Variants in PKNOX2 observed in about 807,000 individuals in gnomAD.
PKNOX2 encodes PBX/knotted 1 homeobox 2.
Under a neutral mutation model 53.1 loss-of-function variants are expected in PKNOX2, and 14 were observed. That is an observed-to-expected ratio of 0.26 (90% confidence interval 0.17 to 0.41). The LOEUF is 0.41. Ranked by LOEUF, PKNOX2 falls within the 10% of genes least tolerant of loss-of-function variation. The pLI, the probability that PKNOX2 is intolerant of heterozygous loss-of-function variation, is 1.00. For synonymous variants in PKNOX2, 257 were observed against 242.8 expected (o/e 1.06, Z -0.54); for missense variants, 496 against 602.8 (o/e 0.82, Z 1.85).
intron 2 of PKNOX2, among the ~76,000 whole-genome samples, chr11:125,268,291 G>T (rs544734485): frequency 1.3e-5 from 2 of 152,300 alleles, no homozygotes; most frequent in South Asian, 4.1e-4. Flanking sequence ...TGGGAACCGC[G>T]TGCTGTAGAA....
intron 10 of PKNOX2, among the ~76,000 whole-genome samples, chr11:125,417,176 G>A (rs1955932329): frequency 6.6e-6 from 1 of 151,978 alleles, no homozygotes; most frequent in African/African-American, 2.4e-5. Flanking sequence ...GGAGAGGTAG[G>A]CACTGTTCCC....
At chr11:125,303,909 C>T (rs2135970505) in intron 2 of PKNOX2, among the ~76,000 whole-genome samples, 1 of 152,378 alleles carries the variant, frequency 6.6e-6, no homozygotes, top group South Asian at 2.1e-4. Flanking sequence ...CTCCTTCCAT[C>T]AGCAAACATT....
chr11:125,178,907 G>C (rs1383155309), intron 1 of PKNOX2, among the ~76,000 whole-genome samples: 4 of 152,122 alleles, frequency 2.6e-5, no homozygotes, highest in Admixed American at 2.6e-4. Flanking sequence ...AGTTGGTACA[G>C]TAATTCTCAA....
chr11:125,318,056 T>C (rs961796070), intron 2 of PKNOX2, among the ~76,000 whole-genome samples: 1 of 152,210 alleles, frequency 6.6e-6, no homozygotes, highest in African/African-American at 2.4e-5. Flanking sequence ...GTTATAGAGA[T>C]AGTTTCTTTC....
intron 2 of PKNOX2, among the ~76,000 whole-genome samples, chr11:125,277,392 G>A (rs1029224371): frequency 2.5e-4 from 38 of 152,214 alleles, no homozygotes; most frequent in Non-Finnish European, 7.3e-5. Flanking sequence ...CAACCCAAAT[G>A]CTAAAATCAT....
chr11:125,340,352 C>T (rs1487447148), intron 3 of PKNOX2, among the ~76,000 whole-genome samples: 1 of 152,192 alleles, frequency 6.6e-6, no homozygotes, highest in Admixed American at 6.5e-5. Flanking sequence ...ATCAGCCTCA[C>T]CTTTTCTGCA....
chr11:125,375,982 C>T (rs903843433), intron 5 of PKNOX2, among the ~76,000 whole-genome samples: 2 of 152,230 alleles, frequency 1.3e-5, no homozygotes, highest in African/African-American at 4.8e-5. Flanking sequence ...CTGGACGCGA[C>T]ATCCCCACCA....
chr11:125,203,195 G>A (rs565050655), intron 1 of PKNOX2, among the ~76,000 whole-genome samples: 1 of 152,238 alleles, frequency 6.6e-6, no homozygotes, highest in African/African-American at 2.4e-5. Context: ...ATGGCTCACT[G>A]CAGCCTCAAC....
At chr11:125,169,255 G>A (rs1472034215) in intron 1 of PKNOX2, among the ~76,000 whole-genome samples, 1 of 152,202 alleles carries the variant, frequency 6.6e-6, no homozygotes, top group Non-Finnish European at 1.5e-5. Context: ...CCGTTAGCCT[G>A]AGTCTAGCCA....
intron 1 of PKNOX2, among the ~76,000 whole-genome samples, chr11:125,185,464 C>G (rs1956395259): frequency 6.6e-6 from 1 of 152,142 alleles, no homozygotes; most frequent in African/African-American, 2.4e-5. Context: ...TATATATTTC[C>G]AAAACATTTT....
intron 3 of PKNOX2, among the ~76,000 whole-genome samples, chr11:125,334,903 C>T (rs1464475278): frequency 6.6e-6 from 1 of 152,174 alleles, no homozygotes; most frequent in East Asian, 1.9e-4. Flanking sequence ...TGCGCCCAGA[C>T]ACTTAAGTTT....
At position 125,398,021 on chromosome 11, in the gene PKNOX2, C is replaced by T. The variant is rs999947084; in HGVS notation, c.547C>T (p.Pro183Ser). ...CCTGCTCAGGAATGATCTAGGGGGG[C>T]CCTACTCCCCCAACCAGCCCTCCAT... ...DNLLRNDLGG[P>S]YSPNQPSINL... Residue 183 changes from proline to serine, a missense_variant, in exon 7 of 13, where the codon CCC (proline) becomes TCC (serine). By Grantham distance (74) the Pro-to-Ser change is moderately conservative. Around this residue, in one of 5 missense-constraint regions of PKNOX2, gnomAD observed 141 missense variants for 143.9 expected, o/e 0.98. Transcript: ENST00000298282. 1.9e-6 allele frequency: 3 copies of T among 1,613,354 alleles called. No homozygotes were observed. The highest frequency in any genetic ancestry group is 2.7e-5 in the African/African-American group (2 of 74,912).
chr11:125,248,063 G>A (rs897356777), intron 2 of PKNOX2, among the ~76,000 whole-genome samples: 6 of 152,222 alleles, frequency 3.9e-5, no homozygotes, highest in Non-Finnish European at 5.9e-5. Context: ...GTCAGTCCTC[G>A]GTCCATGGCT....
chr11:125,350,922 AG>A (rs1951269749), intron 3 of PKNOX2, among the ~76,000 whole-genome samples: 1 of 152,038 alleles, frequency 6.6e-6, no homozygotes, highest in Non-Finnish European at 1.5e-5. Context: ...CTGGGGAAGG[AG>A]GGGTATCCAA....
At chr11:125,251,871 G>GT (rs1005292453) in intron 2 of PKNOX2, among the ~76,000 whole-genome samples, 139 of 145,934 alleles carry the variant, frequency 9.5e-4, no homozygotes, top group Middle Eastern at 3.6e-3. Flanking sequence ...TATCAATCAA[G>GT]TTTTTTTTTT....
At chr11:125,306,348 C>T (rs187539744) in intron 2 of PKNOX2, among the ~76,000 whole-genome samples, 10 of 152,320 alleles carry the variant, frequency 6.6e-5, no homozygotes, top group Non-Finnish European at 7.3e-5. Flanking sequence ...GCCCCCCACC[C>T]CCCAGGGAGC....
intron 2 of PKNOX2, among the ~76,000 whole-genome samples, chr11:125,280,810 C>T (rs1184740628): frequency 6.6e-6 from 1 of 152,184 alleles, no homozygotes; most frequent in Non-Finnish European, 1.5e-5. Context: ...ACAGGCATGG[C>T]AGGGCTCTGG....
intron 7 of PKNOX2, among the ~76,000 whole-genome samples, chr11:125,409,300 G>A (rs1057029778): frequency 1.3e-5 from 2 of 152,218 alleles, no homozygotes. Context: ...ACTAGGAATG[G>A]TGAGGAGAGC....
At chr11:125,194,591 C>T (rs796331427) in intron 1 of PKNOX2, among the ~76,000 whole-genome samples, 44 of 152,234 alleles carry the variant, frequency 2.9e-4, no homozygotes, top group African/African-American at 9.9e-4. Flanking sequence ...CACTCAGCCT[C>T]TCCTGGGGTT....
Sources: gnomAD v4.1 joint callset for allele counts (sites outside exome capture counted in the v4.1 genomes callset) on GRCh38, gnomAD v4.1.1 for gene constraint, gnomAD v4.1.1 regional missense constraint, MANE v1.5 for transcripts, NCBI Gene and HGNC (gene_info 2026-07-23, HGNC 2026-07-21) for gene names.